ZNF618: variants seen among roughly 807,000 people sequenced by gnomAD.
ZNF618 encodes the protein zinc finger protein 618.
A neutral mutation model predicts 103.0 loss-of-function variants in ZNF618; 34 were observed. The observed-to-expected ratio is 0.33, with a 90% CI of 0.25 to 0.44. The LOEUF is 0.44. Ranked by LOEUF, ZNF618 falls within the 20% of genes least tolerant of loss-of-function variation. ZNF618 has a pLI of 1.00. For missense variants in ZNF618, 1,059 were observed against 1,295.4 expected, an observed-to-expected ratio of 0.82 and a Z score of 2.80; for synonymous variants, 551 against 542.2, an observed-to-expected ratio of 1.02 and a Z score of -0.23.
At chr9:114,047,804 C>A in intron 13 of ZNF618, 89 bp from the exon 14 acceptor site, 1 of 1,132,742 alleles carries the variant, frequency 8.8e-7, no homozygotes, top group Admixed American at 2.1e-5. Flanking sequence ...CCACATTCTG[C>A]TGTTACCCAC....
chr9:114,027,126 A>T (rs1843575092), intron 10 of ZNF618, among the ~76,000 whole-genome samples: 1 of 152,280 alleles, frequency 6.6e-6, no homozygotes, highest in Non-Finnish European at 1.5e-5. Flanking sequence ...AAAATTGGAA[A>T]TTATGAGACA....
chr9:113,911,308 G>A (rs1831524338), intron 1 of ZNF618, among the ~76,000 whole-genome samples: 1 of 152,082 alleles, frequency 6.6e-6, no homozygotes, highest in Admixed American at 6.5e-5. Context: ...TTGACATTTT[G>A]AGCTTTTTTC....
intron 1 of ZNF618, among the ~76,000 whole-genome samples, chr9:113,937,760 C>T (rs542891894): frequency 6.6e-6 from 1 of 152,328 alleles, no homozygotes; most frequent in African/African-American, 2.4e-5. Flanking sequence ...TAGTCTATTC[C>T]TTTTCCCACT....
intron 1 of ZNF618, among the ~76,000 whole-genome samples, chr9:113,957,146 ATG>A (rs1346097744): frequency 6.6e-6 from 1 of 152,188 alleles, no homozygotes; most frequent in Non-Finnish European, 1.5e-5. Context: ...AGAGATCAGA[ATG>A]TGTTTGGCTT....
rs373497412 is a variant in ZNF618, at chr9:114,049,203, G to C, written c.1901G>C (p.Arg634Pro). The change falls in exon 15 of 15, where the codon CGC (arginine) becomes CCC (proline). Residue 634 changes from arginine (R) to proline (P), a missense_variant. Around this residue, in one of 6 missense-constraint regions of ZNF618, gnomAD observed 272 missense variants for 380.1 expected, o/e 0.72. Transcript: ENST00000374126. Reference sequence around the variant, plus strand: ...TTCTCCAAGGCCGGCATGTGCCTTCGCTGCTCAGCCTGTGCCTTGAACTCG... The same window carrying C: ...TTCTCCAAGGCCGGCATGTGCCTTCCCTGCTCAGCCTGTGCCTTGAACTCG... The part of the protein sequence containing the change: ...SAFSKAGMCL[R>P]CSACALNSVV... 14 of 1,613,666 alleles carry C rather than the reference G, an allele frequency of 8.7e-6. No individual in the cohort carries two copies. Among genetic ancestry groups the C allele is most frequent in the Non-Finnish European group, 1.2e-5 (14 of 1,179,852 alleles).
At chr9:114,029,842 A>G (rs984062702) in intron 11 of ZNF618, among the ~76,000 whole-genome samples, 21 of 152,190 alleles carry the variant, frequency 1.4e-4, no homozygotes, top group Non-Finnish European at 2.8e-4. Context: ...AGGGGTAAAC[A>G]GACAATAAAA....
At chr9:113,902,288 T>C (rs1830632071) in intron 1 of ZNF618, among the ~76,000 whole-genome samples, 1 of 152,216 alleles carries the variant, frequency 6.6e-6, no homozygotes, top group South Asian at 2.1e-4. Flanking sequence ...GAAGATTAAA[T>C]GAATTAATAC....
intron 1 of ZNF618, among the ~76,000 whole-genome samples, chr9:113,962,572 C>T (rs971981803): frequency 2.0e-5 from 3 of 152,212 alleles, no homozygotes; most frequent in Non-Finnish European, 2.9e-5. Flanking sequence ...TGTACTCTGC[C>T]CCAGGTATCC....
intron 12 of ZNF618, among the ~76,000 whole-genome samples, chr9:114,033,413 G>A (rs192616155): frequency 1.3e-3 from 199 of 150,562 alleles, no homozygotes; most frequent in African/African-American, 4.4e-3. Flanking sequence ...GAGAGAGAGA[G>A]AGAGAGAGCT....
intron 12 of ZNF618, chr9:114,035,347 G>A (rs749294551): frequency 6.7e-6 from 5 of 742,806 alleles, no homozygotes; most frequent in Non-Finnish European, 8.2e-6. Context: ...GCCTTGGGCT[G>A]CCCTCCCGGG....
chr9:113,988,655 C>T, intron 3 of ZNF618, 75 bp downstream of exon 3: 5 of 1,495,180 alleles, frequency 3.3e-6, no homozygotes, highest in Admixed American at 2.1e-5. Flanking sequence ...GGAAAAGCGG[C>T]CTGGCGCCTC....
At chr9:114,020,248 C>G (rs1431002875) in intron 10 of ZNF618, among the ~76,000 whole-genome samples, 1 of 152,102 alleles carries the variant, frequency 6.6e-6, no homozygotes, top group African/African-American at 2.4e-5. Context: ...AAATCAGCTG[C>G]TCTTAGTTTT....
At chr9:114,012,306 G>A (rs1440171579) in intron 9 of ZNF618, among the ~76,000 whole-genome samples, 1 of 152,202 alleles carries the variant, frequency 6.6e-6, no homozygotes, top group African/African-American at 2.4e-5. Context: ...TCTGTTGAGG[G>A]CTCTCCTCCT....
At chr9:113,955,016 C>T (rs1000913791) in intron 1 of ZNF618, among the ~76,000 whole-genome samples, 3 of 152,186 alleles carry the variant, frequency 2.0e-5, no homozygotes, top group African/African-American at 7.2e-5. Context: ...GTGGTAGCAG[C>T]AGCTCTCCCA....
At chr9:113,949,444 C>T (rs187129742) in intron 1 of ZNF618, among the ~76,000 whole-genome samples, 6 of 152,250 alleles carry the variant, frequency 3.9e-5, no homozygotes, top group Non-Finnish European at 7.4e-5. Context: ...CCCTCGGAGG[C>T]GTATGGTTCT....
intron 2 of ZNF618, among the ~76,000 whole-genome samples, chr9:113,972,847 A>G (rs974173058): frequency 2.6e-5 from 4 of 152,164 alleles, no homozygotes; most frequent in Non-Finnish European, 4.4e-5. Context: ...CGGGCGGATC[A>G]CTTGAGGTCA....
intron 1 of ZNF618, among the ~76,000 whole-genome samples, chr9:113,911,344 T>C (rs544712764): frequency 6.6e-6 from 1 of 152,320 alleles, no homozygotes; most frequent in East Asian, 1.9e-4. Context: ...TTTTGTTTTT[T>C]TGAGATGGAG....
intron 7 of ZNF618, among the ~76,000 whole-genome samples, chr9:114,008,077 C>T (rs1841910516): frequency 6.6e-6 from 1 of 152,240 alleles, no homozygotes; most frequent in Non-Finnish European, 1.5e-5. Context: ...CAGATCCAGG[C>T]AAACTGTCTG....
chr9:113,975,808 G>A (rs1365115976), intron 2 of ZNF618, among the ~76,000 whole-genome samples: 1 of 152,132 alleles, frequency 6.6e-6, no homozygotes, highest in African/African-American at 2.4e-5. Context: ...TTTGAGAACG[G>A]GGTATGTTTT....
Sources: allele counts gnomAD v4.1 joint callset (sites outside exome capture counted in the v4.1 genomes callset), GRCh38; gene constraint gnomAD v4.1.1; regional missense constraint gnomAD v4.1.1; transcripts MANE v1.5; gene names NCBI Gene and HGNC (gene_info 2026-07-23, HGNC 2026-07-21).